LRRN1: variants seen among roughly 807,000 people sequenced by gnomAD.
LRRN1 encodes the protein leucine rich repeat neuronal 1, also known as leucine-rich repeat neuronal protein 1.
In LRRN1, 14 loss-of-function variants were observed where a neutral mutation model predicts 45.8. The ratio of observed to expected loss-of-function variants is 0.31; its 90% CI spans 0.20 to 0.48. The LOEUF is 0.48. Ranked by LOEUF, LRRN1 falls within the 20% of genes least tolerant of loss-of-function variation. The pLI is 0.99. For synonymous variants in LRRN1, 359 were observed against 330.1 expected, an observed-to-expected ratio of 1.09 and a Z score of -0.95; for missense variants, 789 against 874.2, an observed-to-expected ratio of 0.90 and a Z score of 1.23.
Position 3,846,396 on chromosome 3 carries a change from TC to T in LRRN1, c.1756del (p.Leu586CysfsTer25). 6.2e-7 allele frequency: 1 copy of T among 1,613,912 alleles called. No homozygotes were observed. The highest frequency in any genetic ancestry group is 8.5e-7 in the Non-Finnish European group (1 of 1,180,010). On this transcript the variant is annotated frameshift_variant, in exon 2 of 2. Coordinates refer to ENST00000319331, the MANE Select transcript of LRRN1 (RefSeq NM_020873.7). LOFTEE classifies it high-confidence loss of function. The surrounding 1 kb of genome is among the most constrained non-coding windows in gnomAD (Gnocchi z 5.7). ...VDVHEYNLTHLQPSTDYEVCL... is the reference protein window; with the variant it reads ...VDVHEYNLTHXQPSTDYEVCL... ...ATGTCCATGAATACAACCTAACGCA[TC>T]TGCAGCCTTCCACAGATTATGAAGT...
At chr3:3,812,454 A>T (rs938500251) in intron 1 of LRRN1, among the ~76,000 whole-genome samples, 2 of 152,218 alleles carry the variant, frequency 1.3e-5, no homozygotes, top group African/African-American at 2.4e-5. Context: ...GGACTTTGGT[A>T]TGCTTGATCA....
intron 1 of LRRN1, among the ~76,000 whole-genome samples, chr3:3,828,138 A>G (rs1340317185): frequency 6.8e-6 from 1 of 147,626 alleles, no homozygotes; most frequent in Non-Finnish European, 1.5e-5. Context: ...AGAATTATAT[A>G]TATATATATA....
At position 3,814,694 on chromosome 3, in the gene LRRN1, C is replaced by T. The variant is rs1037465865; in HGVS notation, c.-279+14775C>T. On this transcript the variant is annotated intron_variant, in intron 1 of 1. Coordinates refer to ENST00000319331, the MANE Select transcript of LRRN1 (RefSeq NM_020873.7). ...GGGAGTTCCTTAGTCTCCTTTTGTCCTTCCATCTCCTCTGCCATGTGAGGA... is the reference window on the plus strand; with the variant it reads ...GGGAGTTCCTTAGTCTCCTTTTGTCTTTCCATCTCCTCTGCCATGTGAGGA... 6.6e-5 allele frequency among the ~76,000 whole-genome samples: 10 copies of T among 152,198 alleles called. No homozygotes were observed. In the South Asian group the frequency reaches 1.5e-3, roughly 22 times the overall value.
Position 3,844,390 on chromosome 3 carries a change from G to T in LRRN1, c.-252G>T. On this transcript the variant is annotated 5_prime_UTR_variant, in exon 2 of 2. Transcript: ENST00000319331. Reference sequence around the variant, plus strand: ...CACATCTCCAGACTTCAATTTGGCTGAAATAATTCATGCCACGGACCTGTG... The same window carrying T: ...CACATCTCCAGACTTCAATTTGGCTTAAATAATTCATGCCACGGACCTGTG... The T allele has an allele frequency of 2.4e-6, 1 of 413,966 alleles. No homozygotes were observed. The allele number at this position is 413,966 out of a possible 1,614,324, so 25.6% of individuals were successfully genotyped here. A position where few individuals can be genotyped will look rare whatever the true frequency, so the allele number is the denominator to read the frequency against.
chr3:3,845,785 A>G lies in LRRN1; in HGVS notation c.1144A>G (p.Ile382Val). 6.2e-7 allele frequency: 1 copy of G among 1,614,086 alleles called. No individual in the cohort carries two copies. The highest frequency in any genetic ancestry group is 8.5e-7 in the Non-Finnish European group (1 of 1,180,018). The change falls in exon 2 of 2, where the codon ATT becomes GTT. Residue 382 changes from isoleucine (I) to valine (V), a missense_variant. Ile to Val is a conservative substitution (Grantham distance 29, BLOSUM62 3). Transcript: ENST00000319331. This position sits in a 1 kb window ranked among gnomAD's most constrained non-coding sequence, Gnocchi z 6.5. ...CAGGTGTGACTGTGTGATCCACTGG[A>G]TTAACTCCAACAAAACCAACATCCG... Reference protein sequence around the residue: ...PLRCDCVIHWINSNKTNIRFM... With the variant: ...PLRCDCVIHWVNSNKTNIRFM...
chr3:3,844,022 T>G (rs1162197818), intron 1 of LRRN1, among the ~76,000 whole-genome samples: 1 of 152,096 alleles, frequency 6.6e-6, no homozygotes, highest in Non-Finnish European at 1.5e-5. Flanking sequence ...GTGTTCCTAT[T>G]AAGTATGTAT....
intron 1 of LRRN1, among the ~76,000 whole-genome samples, chr3:3,843,704 T>C (rs1693695137): frequency 6.6e-6 from 1 of 152,168 alleles, no homozygotes; most frequent in African/African-American, 2.4e-5. Context: ...TTCAAGCATG[T>C]TTTTGATATT....
At position 3,827,587 on chromosome 3, in the gene LRRN1, A is replaced by C. The variant is rs115062398; in HGVS notation, c.-278-16777A>C. ...TTCAAGCCATTCCTAAAAGAAAGGA[A>C]GCAAATTTGAATCCTGCATTTGCCA... On this transcript the variant is annotated intron_variant, in intron 1 of 1. Transcript: ENST00000319331. The C allele has an allele frequency of 6.3e-3, 2,790 of 441,770 alleles. 63 individuals carry two copies. Among genetic ancestry groups the C allele is most frequent in the African/African-American group, 0.05 (2,483 of 49,794 alleles). 27.4% of individuals were successfully genotyped at this position (441,770 alleles called of 1,614,324 possible). A position where few individuals can be genotyped will look rare whatever the true frequency, so the allele number is the denominator to read the frequency against.
At chr3:3,825,321 T>C (rs994160402) in intron 1 of LRRN1, among the ~76,000 whole-genome samples, 8 of 152,146 alleles carry the variant, frequency 5.3e-5, no homozygotes, top group Non-Finnish European at 8.8e-5. Context: ...GCTGCGCCTT[T>C]GGGCTTTTCC....
chr3:3,845,464 A>T lies in LRRN1; in HGVS notation c.823A>T (p.Ile275Phe), dbSNP rs1022703211. ...LKFLDLNKNP[I>F]HKIQEGDFKN... The stretch of plus-strand genomic sequence containing the variant: ...ATTCTTAGACCTCAACAAAAACCCC[A>T]TTCACAAAATCCAAGAAGGGGACTT... The change falls in exon 2 of 2, where the codon ATT becomes TTT. Residue 275 changes from isoleucine to phenylalanine, a missense_variant. Ile to Phe is a conservative substitution (Grantham distance 21). Transcript: ENST00000319331. The surrounding 1 kb of genome is among the most constrained non-coding windows in gnomAD (Gnocchi z 6.5). 3 of 1,614,026 alleles carry T rather than the reference A, an allele frequency of 1.9e-6. No homozygotes were observed. The African/African-American group carries it at 4.0e-5, about 22-fold the overall frequency.
chr3:3,844,538 G>A lies in LRRN1; in HGVS notation c.-104G>A. Reference sequence around the variant, plus strand: ...ACACAGCTCAACCAAGACTTTGCTTGAATGTTTACATTTTCTGCTCGCTGT... The same window carrying A: ...ACACAGCTCAACCAAGACTTTGCTTAAATGTTTACATTTTCTGCTCGCTGT... On this transcript the variant is annotated 5_prime_UTR_variant, in exon 2 of 2. Transcript: ENST00000319331. 1 of 881,854 alleles carries A rather than the reference G, an allele frequency of 1.1e-6. No individual in the cohort carries two copies. The highest frequency in any genetic ancestry group is 1.7e-6 in the Non-Finnish European group (1 of 576,810). The allele number at this position is 881,854 out of a possible 1,614,324, so 54.6% of individuals were successfully genotyped here.
chr3:3,815,463 A>T (rs1157448412), intron 1 of LRRN1, among the ~76,000 whole-genome samples: 1 of 152,072 alleles, frequency 6.6e-6, no homozygotes, highest in Admixed American at 6.6e-5. Context: ...TGGTACAGAA[A>T]CCTACTTACT....
intron 1 of LRRN1, among the ~76,000 whole-genome samples, chr3:3,824,024 T>C (rs776781731): frequency 5.9e-5 from 9 of 152,142 alleles, no homozygotes; most frequent in Non-Finnish European, 1.3e-4. Flanking sequence ...TAACTCTTGG[T>C]CCAGTGCTCC....
In LRRN1 at chr3:3,845,596, G is replaced by T. The variant is rs1693752810; in HGVS notation, c.955G>T (p.Ala319Ser). ...CTTGCCTGAACTCACAAAGCTGGAA[G>T]CCACCAATAACCCTAAACTCTCTTA... is the stretch of plus-strand genomic sequence containing the variant. ...DNLPELTKLE[A>S]TNNPKLSYIH... Residue 319 changes from alanine (A) to serine (S), a missense_variant, in exon 2 of 2, where the codon GCC becomes TCC. Physicochemically the swap from Ala to Ser is moderately conservative, Grantham distance 99. Coordinates refer to ENST00000319331, the MANE Select transcript of LRRN1 (RefSeq NM_020873.7). The surrounding 1 kb of genome is among the most constrained non-coding windows in gnomAD (Gnocchi z 6.5). 1 of 1,613,986 alleles carries T rather than the reference G, an allele frequency of 6.2e-7. No homozygotes were observed. The highest frequency in any genetic ancestry group is 1.3e-5 in the African/African-American group (1 of 74,904).
intron 1 of LRRN1, among the ~76,000 whole-genome samples, chr3:3,820,105 A>G (rs1344043319): frequency 6.6e-6 from 1 of 152,192 alleles, no homozygotes; most frequent in African/African-American, 2.4e-5. Context: ...TGAGTTCTCA[A>G]AAACCATGTC....
intron 1 of LRRN1, among the ~76,000 whole-genome samples, chr3:3,805,454 A>G (rs749381606): frequency 3.3e-5 from 5 of 152,232 alleles, no homozygotes; most frequent in Non-Finnish European, 5.9e-5. Context: ...CCCAGCAATG[A>G]CACTAATGAC....
intron 1 of LRRN1, among the ~76,000 whole-genome samples, chr3:3,839,127 T>C (rs1693590217): frequency 6.6e-6 from 1 of 152,172 alleles, no homozygotes; most frequent in South Asian, 2.1e-4. Flanking sequence ...AGGAGTTTTA[T>C]AGGTTTAGGT....
chr3:3,812,618 A>G (rs1692899259), intron 1 of LRRN1, among the ~76,000 whole-genome samples: 1 of 152,206 alleles, frequency 6.6e-6, no homozygotes, highest in Admixed American at 6.5e-5. Flanking sequence ...ATATGTCACC[A>G]TGACAGAAGG....
intron 1 of LRRN1, among the ~76,000 whole-genome samples, chr3:3,829,832 T>G (rs1020387822): frequency 1.3e-5 from 2 of 152,196 alleles, no homozygotes; most frequent in African/African-American, 4.8e-5. Flanking sequence ...ATAGGCAAAC[T>G]CATATCTGGA....
Sources: gnomAD v4.1 joint callset for allele counts (sites outside exome capture counted in the v4.1 genomes callset) on GRCh38, gnomAD v4.1.1 for gene constraint, Gnocchi (gnomAD v3.1) non-coding constraint, MANE v1.5 for transcripts, NCBI Gene and HGNC (gene_info 2026-07-23, HGNC 2026-07-21) for gene names.